MAML3: variants seen among roughly 807,000 people sequenced by gnomAD.
The protein encoded by MAML3 is mastermind like transcriptional coactivator 3.
MAML3 carries 27 observed loss-of-function variants against 101.9 expected under a neutral mutation model. That is an observed-to-expected ratio of 0.27 (90% CI 0.20 to 0.37). The LOEUF is 0.37. MAML3 is among the 10% of genes least tolerant of loss of function. The probability of loss-of-function intolerance (pLI) is 1.00; values close to 1 mark genes in which losing one functional copy is unlikely to be tolerated. For synonymous variants in MAML3, 501 were observed against 555.9 expected (o/e 0.90, Z 1.39); for missense variants, 1,316 against 1,444.9 (o/e 0.91, Z 1.45).
intron 2 of MAML3, among the ~76,000 whole-genome samples, chr4:139,758,598 G>C (rs1236881505): frequency 6.6e-6 from 1 of 152,134 alleles, no homozygotes; most frequent in Non-Finnish European, 1.5e-5. Context: ...CAGGTTTCCT[G>C]CCTCCCCTCC....
intron 1 of MAML3, among the ~76,000 whole-genome samples, chr4:140,069,655 AAGG>A (rs201077597): frequency 1.3e-5 from 2 of 149,896 alleles, no homozygotes; most frequent in Non-Finnish European, 1.5e-5. Context: ...GGAGGAGGAG[AAGG>A]AGAAGGAGAA....
intron 1 of MAML3, among the ~76,000 whole-genome samples, chr4:139,991,917 A>G (rs1734682607): frequency 6.6e-6 from 1 of 152,172 alleles, no homozygotes; most frequent in Non-Finnish European, 1.5e-5. Context: ...GTACAATTCA[A>G]TACATTTGAG....
rs942992703 is a variant in MAML3, at chr4:140,060,137, G to A, written c.468+92723C>T. ...TCCCAGCACTTTGGGAGGCTGAGGC[G>A]GGTGGATCACCTGAAGTCAGGAGTT... On this transcript the variant is annotated intron_variant, in intron 1 of 4. Transcript: ENST00000509479. 7.2e-5 allele frequency among the ~76,000 whole-genome samples: 11 copies of A among 151,848 alleles called. 1 individual carries two copies. Among genetic ancestry groups the A allele is most frequent in the Admixed American group, 5.9e-4 (9 of 15,248 alleles).
chr4:139,720,978 T>C (rs1560767719), intron 4 of MAML3, among the ~76,000 whole-genome samples: 1 of 152,216 alleles, frequency 6.6e-6, no homozygotes, highest in African/African-American at 2.4e-5. Context: ...ATTTTTCGGA[T>C]CCACTCTGTA....
chr4:139,890,762 G>A lies in MAML3; in HGVS notation c.674C>T (p.Pro225Leu), dbSNP rs1244845504. ...ASPLHQLDLK[P>L]SLPLQNSGTH... ...TCCACTGTTCTGCAAGGGCAAAGAA[G>A]GTTTCAGGTCAAGTTGGTGAAGAGG... Residue 225 changes from proline (P) to leucine (L), a missense_variant, in exon 2 of 5, where the codon CCT becomes CTT. Transcript: ENST00000509479. This position sits in a 1 kb window ranked among gnomAD's most constrained non-coding sequence, Gnocchi z 4.1. The A allele has an allele frequency of 1.2e-6, 2 of 1,613,946 alleles. No individual in the cohort carries two copies. The highest frequency in any genetic ancestry group is 2.2e-5 in the East Asian group (1 of 44,904).
At chr4:140,045,565 A>G (rs1727169931) in intron 1 of MAML3, among the ~76,000 whole-genome samples, 1 of 152,136 alleles carries the variant, frequency 6.6e-6, no homozygotes, top group Non-Finnish European at 1.5e-5. Context: ...TCCATATACC[A>G]TAACTTACAC....
At chr4:140,019,497 A>C (rs900161762) in intron 1 of MAML3, among the ~76,000 whole-genome samples, 1 of 152,242 alleles carries the variant, frequency 6.6e-6, no homozygotes, top group Non-Finnish European at 1.5e-5. Context: ...GCATGAACAA[A>C]TAGACTCTTA....
chr4:139,983,825 A>T (rs569406286), intron 1 of MAML3, among the ~76,000 whole-genome samples: 1 of 152,314 alleles, frequency 6.6e-6, no homozygotes, highest in East Asian at 1.9e-4. Flanking sequence ...GTATCACTTG[A>T]TAATCCATGG....
chr4:139,758,619 G>A (rs991398911), intron 2 of MAML3, among the ~76,000 whole-genome samples: 11 of 152,148 alleles, frequency 7.2e-5, no homozygotes, highest in African/African-American at 1.7e-4. Flanking sequence ...AGCCATGTTC[G>A]GCTGCAGGAG....
intron 1 of MAML3, among the ~76,000 whole-genome samples, chr4:140,060,825 C>G (rs76505231): frequency 3.3e-5 from 5 of 152,022 alleles, no homozygotes; most frequent in Non-Finnish European, 5.9e-5. Context: ...TTCCTAATTA[C>G]GATATTAATA....
chr4:140,116,593 C>T (rs1382673744), intron 1 of MAML3, among the ~76,000 whole-genome samples: 1 of 152,238 alleles, frequency 6.6e-6, no homozygotes, highest in African/African-American at 2.4e-5. Flanking sequence ...CCACTCTAAC[C>T]TCTAACCCCA....
At chr4:139,772,022 G>A (rs1247914966) in intron 2 of MAML3, among the ~76,000 whole-genome samples, 3 of 151,156 alleles carry the variant, frequency 2.0e-5, no homozygotes, top group Non-Finnish European at 2.9e-5. Flanking sequence ...GGCGGATCAC[G>A]AGGTCAGCAG....
At chr4:140,096,203 A>C (rs1728161782) in intron 1 of MAML3, among the ~76,000 whole-genome samples, 1 of 152,194 alleles carries the variant, frequency 6.6e-6, no homozygotes, top group Non-Finnish European at 1.5e-5. Context: ...CAACTTACGC[A>C]CTTTGGGGTA....
chr4:139,772,427 C>T (rs1025644692), intron 2 of MAML3, among the ~76,000 whole-genome samples: 4 of 151,224 alleles, frequency 2.6e-5, no homozygotes, highest in East Asian at 2.0e-4. Flanking sequence ...CTGCAACCTC[C>T]GCCTCCTGGG....
At chr4:139,933,679 TCA>T (rs1252769691) in intron 1 of MAML3, among the ~76,000 whole-genome samples, 1 of 152,184 alleles carries the variant, frequency 6.6e-6, no homozygotes, top group Non-Finnish European at 1.5e-5. Flanking sequence ...CCTTTGATGT[TCA>T]CAGTCAGGAC....
chr4:139,976,116 C>T (rs937169698), intron 1 of MAML3, among the ~76,000 whole-genome samples: 2 of 152,172 alleles, frequency 1.3e-5, no homozygotes, highest in African/African-American at 4.8e-5. Context: ...AAATGTGTAA[C>T]GTGCCATACT....
chr4:139,801,986 C>A (rs72948530), intron 2 of MAML3, among the ~76,000 whole-genome samples: 2 of 152,092 alleles, frequency 1.3e-5, no homozygotes, highest in Non-Finnish European at 2.9e-5. Context: ...CTTCAGAATG[C>A]GGCTGCACAT....
Position 139,890,851 on chromosome 4 carries a change from G to A in MAML3, c.585C>T (p.Asp195=), listed in dbSNP as rs116945358. ...TGATGGCTTCCATCCCCGCAGAAAT[G>A]TCCTTTCGAATTCGTTTGCTAGTCG... The part of the protein sequence containing the change: ...FSPTSKRIRK[D]ISAGMEAINN... Residue 195 remains aspartate (D), a synonymous_variant, in exon 2 of 5, where the codon GAC becomes GAT. Coordinates refer to ENST00000509479, the MANE Select transcript of MAML3 (RefSeq NM_018717.5). The surrounding 1 kb of genome is among the most constrained non-coding windows in gnomAD (Gnocchi z 4.1). 419 of 1,613,974 alleles carry A rather than the reference G, an allele frequency of 2.6e-4. 3 individuals carry two copies. In the East Asian group the frequency reaches 8.6e-3, roughly 33 times the overall value.
rs186148549 is a variant in MAML3 at position 139,884,749 on chromosome 4, C to G, written c.2079+4608G>C. 5.9e-5 allele frequency among the ~76,000 whole-genome samples: 9 copies of G among 152,322 alleles called. No homozygotes were observed. The East Asian group carries it at 1.7e-3, about 29-fold the overall frequency. On this transcript the variant is annotated intron_variant, in intron 2 of 4. Coordinates refer to ENST00000509479, the MANE Select transcript of MAML3 (RefSeq NM_018717.5). ...CCTTTTCAGCTTTTCTATTTGATCT[C>G]AAAAGCGGCTCTGTGTTATTTGTGC...
Sources: allele counts gnomAD v4.1 joint callset (sites outside exome capture counted in the v4.1 genomes callset), GRCh38; gene constraint gnomAD v4.1.1; non-coding constraint Gnocchi (gnomAD v3.1); transcripts MANE v1.5; gene names NCBI Gene and HGNC (gene_info 2026-07-23, HGNC 2026-07-21).